GIPC2: variants seen among roughly 807,000 people sequenced by gnomAD.
The protein encoded by GIPC2 is PDZ domain-containing protein GIPC2.
A neutral mutation model predicts 30.6 loss-of-function variants in GIPC2; 30 were observed. The observed-to-expected ratio is 0.98, with a 90% CI of 0.73 to 1.33. The LOEUF (loss-of-function observed/expected upper bound fraction) is 1.33, where lower values mean the gene tolerates loss of function less well. Ranked by LOEUF, GIPC2 falls within the 40% of genes most tolerant of loss-of-function variation. GIPC2 has a pLI of 0.00. For synonymous variants in GIPC2, 167 were observed against 150.0 expected (o/e 1.11, Z -0.83); for missense variants, 414 against 390.3 (o/e 1.06, Z -0.51).
intron 5 of GIPC2, among the ~76,000 whole-genome samples, chr1:78,133,601 A>G (rs1268817407): frequency 1.3e-5 from 2 of 152,140 alleles, no homozygotes; most frequent in African/African-American, 4.8e-5. Flanking sequence ...AAAGGCAGAA[A>G]GCAGCGAAGA....
rs549485689 is a variant in GIPC2, at chr1:78,136,018, C to T, written c.*275C>T. ...AAAGTAAGTTTTAAGGAGTATTTCT[C>T]GACAGATGATTTTCTTCTCCATTAA... On this transcript the variant is annotated 3_prime_UTR_variant, in exon 6 of 6. Transcript: ENST00000370759. The T allele has an allele frequency of 4.3e-4, 103 of 237,350 alleles. No individual in the cohort carries two copies. The highest frequency in any genetic ancestry group is 5.7e-4 in the Non-Finnish European group (72 of 125,798). 14.7% of individuals were successfully genotyped at this position (237,350 alleles called of 1,614,324 possible).
intron 3 of GIPC2, among the ~76,000 whole-genome samples, chr1:78,110,136 G>A (rs1328664460): frequency 1.3e-5 from 2 of 151,812 alleles, no homozygotes; most frequent in East Asian, 3.9e-4. Context: ...GTATGCATAT[G>A]TAACTAACCT....
intron 1 of GIPC2, among the ~76,000 whole-genome samples, chr1:78,078,048 C>T (rs1364960462): frequency 6.6e-6 from 1 of 150,864 alleles, no homozygotes; most frequent in East Asian, 1.9e-4. Flanking sequence ...ATTAGCCGGG[C>T]GTAGTGGCGG....
chr1:78,109,175 C>G (rs1170088542), intron 3 of GIPC2, among the ~76,000 whole-genome samples: 1 of 152,222 alleles, frequency 6.6e-6, no homozygotes, highest in Non-Finnish European at 1.5e-5. Context: ...AGGAGAGAGA[C>G]TTTGGCTCAG....
intron 4 of GIPC2, among the ~76,000 whole-genome samples, chr1:78,123,790 C>T (rs765044981): frequency 7.8e-4 from 118 of 152,238 alleles, no homozygotes; most frequent in Middle Eastern, 3.4e-3. Flanking sequence ...CACTTGTCAC[C>T]GTAACTTAAA....
At chr1:78,064,110 C>T (rs548745203) in intron 1 of GIPC2, among the ~76,000 whole-genome samples, 7 of 152,118 alleles carry the variant, frequency 4.6e-5, no homozygotes, top group Admixed American at 1.3e-4. Flanking sequence ...TTTTCTGAAA[C>T]GATAAATAAC....
Position 78,137,492 on chromosome 1 carries a change from G to T in GIPC2, c.*1749G>T, listed in dbSNP as rs766142709. On this transcript the variant is annotated 3_prime_UTR_variant, in exon 6 of 6. Coordinates refer to ENST00000370759, the MANE Select transcript of GIPC2 (RefSeq NM_017655.6). ...TTGTCAGTTTCTCCTTCCTTTTTGG[G>T]CATGCATAAAGACACACTTGGTGCT... 5.3e-5 allele frequency: 8 copies of T among 152,012 alleles called. No individual in the cohort carries two copies. The highest frequency in any genetic ancestry group is 1.2e-4 in the Non-Finnish European group (8 of 67,978). The allele number at this position is 152,012 out of a possible 1,614,324, so 9.4% of individuals were successfully genotyped here.
chr1:78,086,956 G>A (rs759267880), intron 2 of GIPC2, among the ~76,000 whole-genome samples: 3 of 152,118 alleles, frequency 2.0e-5, no homozygotes, highest in Non-Finnish European at 4.4e-5. Context: ...GTATTGATAT[G>A]TGTGGATTTG....
chr1:78,097,273 A>T (rs929466448), intron 3 of GIPC2, among the ~76,000 whole-genome samples: 3 of 151,972 alleles, frequency 2.0e-5, no homozygotes, highest in African/African-American at 7.3e-5. Context: ...GTCCTTCATG[A>T]TTGTCTGATT....
intron 3 of GIPC2, among the ~76,000 whole-genome samples, chr1:78,116,931 ACT>A (rs35951178): frequency 0.21 from 32,531 of 151,524 alleles, 3,881 homozygotes; most frequent in East Asian, 0.6. Context: ...GAATCGCCAC[ACT>A]GTCTTCCACA....
At chr1:78,048,682 G>A (rs1661142032) in intron 1 of GIPC2, among the ~76,000 whole-genome samples, 1 of 151,982 alleles carries the variant, frequency 6.6e-6, no homozygotes, top group South Asian at 2.1e-4. Context: ...TCCTACCTCA[G>A]TCTCTTGAAT....
At chr1:78,105,174 TCA>T (rs1662321210) in intron 3 of GIPC2, among the ~76,000 whole-genome samples, 1 of 152,184 alleles carries the variant, frequency 6.6e-6, no homozygotes, top group Non-Finnish European at 1.5e-5. Flanking sequence ...TATCGAATGC[TCA>T]GTTTTTAATC....
intron 5 of GIPC2, among the ~76,000 whole-genome samples, chr1:78,128,249 C>A (rs548961591): frequency 3.3e-5 from 5 of 152,058 alleles, no homozygotes; most frequent in African/African-American, 4.8e-5. Flanking sequence ...CTAAGCTGGT[C>A]CTGAACTCCT....
chr1:78,111,790 A>G (rs1662470422), intron 3 of GIPC2, among the ~76,000 whole-genome samples: 1 of 152,220 alleles, frequency 6.6e-6, no homozygotes, highest in African/African-American at 2.4e-5. Flanking sequence ...ATAGGTGTAA[A>G]TATTTTGTAA....
chr1:78,068,909 C>A, intron 1 of GIPC2: 1 of 173,662 alleles, frequency 5.8e-6, no homozygotes, highest in Non-Finnish European at 1.1e-5. Context: ...GTGACACATT[C>A]CTGGGAGTTG....
chr1:78,046,077 C>A lies in GIPC2; in HGVS notation c.-18C>A. The A allele has an allele frequency of 7.1e-7, 1 of 1,414,040 alleles. No individual in the cohort carries two copies. Among genetic ancestry groups the A allele is most frequent in the Non-Finnish European group, 9.2e-7 (1 of 1,087,704 alleles). 87.6% of individuals were successfully genotyped at this position (1,414,040 alleles called of 1,614,324 possible). A position where few individuals can be genotyped will look rare whatever the true frequency, so the allele number is the denominator to read the frequency against. On this transcript the variant is annotated 5_prime_UTR_variant, in exon 1 of 6. Transcript: ENST00000370759. ...GCGGACGGCAGCGCAGGTGGGCCCG[C>A]GCTCTCGGCCCTGCAAGATGCCCCT...
At chr1:78,050,858 T>A (rs1323581300) in intron 1 of GIPC2, among the ~76,000 whole-genome samples, 2 of 152,076 alleles carry the variant, frequency 1.3e-5, no homozygotes, top group Non-Finnish European at 2.9e-5. Context: ...ATTGTCTCGA[T>A]CTCCTGACCT....
chr1:78,111,935 A>C (rs1662472414), intron 3 of GIPC2, among the ~76,000 whole-genome samples: 1 of 152,218 alleles, frequency 6.6e-6, no homozygotes, highest in Non-Finnish European at 1.5e-5. Flanking sequence ...CCAAAATACT[A>C]ATTTTCTTAT....
At position 78,124,478 on chromosome 1, in the gene GIPC2, A is replaced by G. The variant is rs369236203; in HGVS notation, c.715-1403A>G. ...GGTATTTGTTCAGAAAAGTTTTACTATTGGGATGAGCCATCAAACGTTTGG... is the reference window on the plus strand; with the variant it reads ...GGTATTTGTTCAGAAAAGTTTTACTGTTGGGATGAGCCATCAAACGTTTGG... On this transcript the variant is annotated intron_variant, in intron 4 of 5. Coordinates refer to ENST00000370759, the MANE Select transcript of GIPC2 (RefSeq NM_017655.6). Among the ~76,000 whole-genome samples, 48 of 152,322 alleles carry G rather than the reference A, an allele frequency of 3.2e-4. No individual in the cohort carries two copies. In the South Asian group the frequency reaches 1.0e-2, roughly 32 times the overall value.
Sources: allele counts gnomAD v4.1 joint callset (sites outside exome capture counted in the v4.1 genomes callset), GRCh38; gene constraint gnomAD v4.1.1; transcripts MANE v1.5; gene names NCBI Gene and HGNC (gene_info 2026-07-23, HGNC 2026-07-21).